TSPAN18: variants seen among roughly 807,000 people sequenced by gnomAD.
TSPAN18 encodes the protein tetraspanin-18.
A neutral mutation model predicts 27.3 loss-of-function variants in TSPAN18; 14 were observed. The ratio of observed to expected loss-of-function variants is 0.51; its 90% CI spans 0.34 to 0.80. The LOEUF is 0.80. TSPAN18 is among the 30% of genes least tolerant of loss of function. The pLI is 0.01. For synonymous variants in TSPAN18, 143 were observed against 136.5 expected, an observed-to-expected ratio of 1.05 and a Z score of -0.33; for missense variants, 268 against 323.9, an observed-to-expected ratio of 0.83 and a Z score of 1.32.
At chr11:44,802,988 C>T (rs900103779) in intron 2 of TSPAN18, among the ~76,000 whole-genome samples, 1 of 152,052 alleles carries the variant, frequency 6.6e-6, no homozygotes. Context: ...AGGCATGGGG[C>T]ACAAGTGAGT....
chr11:44,885,745 C>T (rs1327597790), intron 3 of TSPAN18, among the ~76,000 whole-genome samples: 2 of 152,174 alleles, frequency 1.3e-5, no homozygotes, highest in Admixed American at 6.5e-5. Context: ...TTCTCAGCCA[C>T]GCAGGGTGCT....
intron 8 of TSPAN18, among the ~76,000 whole-genome samples, chr11:44,925,962 TATCTCG>T (rs1165410801): frequency 2.6e-5 from 4 of 152,252 alleles, no homozygotes; most frequent in Admixed American, 1.3e-4. Context: ...TCTATCTATC[TATCTCG>T]ATCTCGATCT....
chr11:44,890,742 C>T (rs1271996527), intron 3 of TSPAN18, among the ~76,000 whole-genome samples: 1 of 80,464 alleles, frequency 1.2e-5, no homozygotes, highest in Non-Finnish European at 2.5e-5. Flanking sequence ...GACTCCAACT[C>T]AAAAAAAAAA....
At chr11:44,796,578 T>C (rs1856354958) in intron 2 of TSPAN18, among the ~76,000 whole-genome samples, 1 of 152,182 alleles carries the variant, frequency 6.6e-6, no homozygotes, top group South Asian at 2.1e-4. Context: ...GCGCCCAGAA[T>C]GGAACCCAGC....
rs192236579 is a variant in TSPAN18 at position 44,806,017 on chromosome 11, A to G, written c.-153+41505A>G. On this transcript the variant is annotated intron_variant, in intron 2 of 9. Coordinates refer to ENST00000520358, the MANE Select transcript of TSPAN18 (RefSeq NM_130783.5). ...ATGCAGAGGTTTTGGGTAGACACACATTTTGAGGGAACACTATTTTTTCCT... is the reference window on the plus strand; with the variant it reads ...ATGCAGAGGTTTTGGGTAGACACACGTTTTGAGGGAACACTATTTTTTCCT... Among the ~76,000 whole-genome samples the G allele has an allele frequency of 5.9e-3, 874 of 148,128 alleles. 9 individuals are homozygous for G. Among genetic ancestry groups the G allele is most frequent in the Non-Finnish European group, 8.1e-3 (543 of 67,134 alleles).
chr11:44,834,196 G>A (rs1328018822), intron 2 of TSPAN18, among the ~76,000 whole-genome samples: 1 of 151,952 alleles, frequency 6.6e-6, no homozygotes, highest in Non-Finnish European at 1.5e-5. Context: ...GAGGTGGGGG[G>A]CTTGGGACAC....
At chr11:44,782,530 G>A (rs1410141820) in intron 2 of TSPAN18, among the ~76,000 whole-genome samples, 3 of 142,470 alleles carry the variant, frequency 2.1e-5, no homozygotes, top group Non-Finnish European at 3.0e-5. Flanking sequence ...GTGACAGAGT[G>A]AGACTCCGTC....
chr11:44,840,114 T>C (rs1857342774), intron 2 of TSPAN18, among the ~76,000 whole-genome samples: 3 of 152,146 alleles, frequency 2.0e-5, no homozygotes, highest in South Asian at 4.1e-4. Flanking sequence ...GAGAGAAAAC[T>C]CCTGAGGCCA....
intron 3 of TSPAN18, among the ~76,000 whole-genome samples, chr11:44,872,280 C>T (rs930174674): frequency 3.3e-5 from 5 of 152,162 alleles, no homozygotes; most frequent in African/African-American, 1.2e-4. Flanking sequence ...AGACCCCATT[C>T]TTATGATCTG....
chr11:44,838,409 C>T (rs1329687339), intron 2 of TSPAN18, among the ~76,000 whole-genome samples: 2 of 152,186 alleles, frequency 1.3e-5, no homozygotes, highest in Non-Finnish European at 2.9e-5. Flanking sequence ...CGGTTCCTCC[C>T]ATGACACATG....
At chr11:44,753,520 G>A (rs1032197844) in intron 1 of TSPAN18, among the ~76,000 whole-genome samples, 1 of 152,114 alleles carries the variant, frequency 6.6e-6, no homozygotes, top group Admixed American at 6.5e-5. Context: ...TCTTCCTGGG[G>A]GTCCCAGGGT....
At chr11:44,854,207 G>T (rs1344115213) in intron 2 of TSPAN18, among the ~76,000 whole-genome samples, 2 of 136,166 alleles carry the variant, frequency 1.5e-5, no homozygotes, top group African/African-American at 5.2e-5. Context: ...GGGTGGGGGG[G>T]GGGGTTTGTG....
chr11:44,852,301 A>G (rs1473764662), intron 2 of TSPAN18, among the ~76,000 whole-genome samples: 1 of 152,190 alleles, frequency 6.6e-6, no homozygotes, highest in Non-Finnish European at 1.5e-5. Context: ...TACATGTGCA[A>G]TGTTACACGT....
intron 2 of TSPAN18, among the ~76,000 whole-genome samples, chr11:44,795,493 C>T (rs755985233): frequency 6.6e-5 from 10 of 152,094 alleles, no homozygotes; most frequent in African/African-American, 9.7e-5. Flanking sequence ...AGCAGTAGGG[C>T]AGTGGGGGTA....
At chr11:44,926,266 G>A (rs1860349563) in intron 8 of TSPAN18, 1 of 179,654 alleles carries the variant, frequency 5.6e-6, no homozygotes, top group African/African-American at 2.4e-5. Flanking sequence ...TGGATCCCCA[G>A]GGACCACCTG....
intron 3 of TSPAN18, among the ~76,000 whole-genome samples, chr11:44,864,966 A>G (rs1857996570): frequency 6.6e-6 from 1 of 152,182 alleles, no homozygotes; most frequent in Non-Finnish European, 1.5e-5. Context: ...AGGTTGGTGA[A>G]TGGATGGATG....
chr11:44,876,539 T>C (rs1858337890), intron 3 of TSPAN18, among the ~76,000 whole-genome samples: 1 of 152,110 alleles, frequency 6.6e-6, no homozygotes, highest in Non-Finnish European at 1.5e-5. Flanking sequence ...AAGCTGGGCC[T>C]TGGAGTGTGA....
intron 4 of TSPAN18, among the ~76,000 whole-genome samples, chr11:44,906,817 G>A (rs1254065337): frequency 6.6e-6 from 1 of 152,216 alleles, no homozygotes; most frequent in Non-Finnish European, 1.5e-5. Flanking sequence ...AGGGCAGCAA[G>A]AGGGAGCCCC....
intron 2 of TSPAN18, among the ~76,000 whole-genome samples, chr11:44,789,912 G>T (rs11038144): frequency 1.3e-5 from 2 of 152,200 alleles, no homozygotes; most frequent in African/African-American, 2.4e-5. Flanking sequence ...GAGCTGGAAG[G>T]CCCCCTGGAG....
Sources: allele counts gnomAD v4.1 joint callset (sites outside exome capture counted in the v4.1 genomes callset), GRCh38; gene constraint gnomAD v4.1.1; transcripts MANE v1.5; gene names NCBI Gene and HGNC (gene_info 2026-07-23, HGNC 2026-07-21).